Variants in RAP1GDS1 observed in about 807,000 individuals in gnomAD.
RAP1GDS1 encodes Rap1 GTPase-GDP dissociation stimulator 1, also known as RAP1, GTP-GDP dissociation stimulator 1.
RAP1GDS1 carries 35 observed loss-of-function variants against 71.1 expected under a neutral mutation model. The ratio of observed to expected loss-of-function variants is 0.49; its 90% CI spans 0.38 to 0.65. RAP1GDS1 has a LOEUF of 0.65. Among genes scored for constraint, RAP1GDS1 ranks in the 30% least tolerant of loss-of-function variants. The pLI is 0.00. For missense variants in RAP1GDS1, 663 were observed against 706.1 expected (o/e 0.94, Z 0.69); for synonymous variants, 229 against 243.1 (o/e 0.94, Z 0.54).
Position 98,379,065 on chromosome 4 carries a change from T to C in RAP1GDS1, c.410T>C (p.Ile137Thr), listed in dbSNP as rs1355522491. ...CAAGCAGGTGGTGCACAGATTGTAA[T>C]TGACCATTTAAGGTCACTGTGCAGT... ...VDQAGGAQIV[I>T]DHLRSLCSIT... is the part of the protein sequence containing the mutation. The change falls in exon 5 of 15, where the codon ATT becomes ACT. Residue 137 changes from isoleucine to threonine, a missense_variant. Transcript: ENST00000408927. 5 of 1,608,866 alleles carry C rather than the reference T, an allele frequency of 3.1e-6. No homozygotes were observed. Among genetic ancestry groups the C allele is most frequent in the Admixed American group, 1.7e-5 (1 of 59,330 alleles).
chr4:98,364,410 G>T (rs34271573), intron 4 of RAP1GDS1, among the ~76,000 whole-genome samples: 4 of 151,898 alleles, frequency 2.6e-5, no homozygotes, highest in Non-Finnish European at 5.9e-5. Context: ...AGCTAAATTG[G>T]TGATAGTGTT....
intron 2 of RAP1GDS1, among the ~76,000 whole-genome samples, chr4:98,330,905 G>A (rs897501141): frequency 1.3e-5 from 2 of 152,258 alleles, no homozygotes; most frequent in South Asian, 2.1e-4. Flanking sequence ...TGGCAGCTGG[G>A]CAGAGGCTGC....
chr4:98,400,546 A>AAC (rs999079262), intron 6 of RAP1GDS1, among the ~76,000 whole-genome samples: 14 of 151,928 alleles, frequency 9.2e-5, no homozygotes, highest in African/African-American at 2.7e-4. Flanking sequence ...AAAAAAAAAA[A>AAC]ACGGATACTA....
intron 4 of RAP1GDS1, among the ~76,000 whole-genome samples, chr4:98,368,249 G>A (rs1394472034): frequency 6.6e-6 from 1 of 152,108 alleles, no homozygotes; most frequent in African/African-American, 2.4e-5. Flanking sequence ...CTTCTGCCAT[G>A]ATTGTGAGGC....
chr4:98,388,784 T>A (rs1404757665), intron 5 of RAP1GDS1, among the ~76,000 whole-genome samples: 2 of 152,166 alleles, frequency 1.3e-5, no homozygotes, highest in Non-Finnish European at 2.9e-5. Context: ...AATTTTGGTC[T>A]TATGATTTTA....
intron 1 of RAP1GDS1, among the ~76,000 whole-genome samples, chr4:98,267,017 A>G (rs1722792452): frequency 6.6e-6 from 1 of 152,190 alleles, no homozygotes; most frequent in Non-Finnish European, 1.5e-5. Context: ...AAGGAGGAAG[A>G]TTCAGTCCTT....
intron 2 of RAP1GDS1, among the ~76,000 whole-genome samples, chr4:98,332,844 T>C (rs1734190241): frequency 6.6e-6 from 1 of 152,190 alleles, no homozygotes; most frequent in African/African-American, 2.4e-5. Flanking sequence ...GTATCAAAGC[T>C]CAATCTTTAG....
chr4:98,283,436 C>G (rs577791494), intron 1 of RAP1GDS1, among the ~76,000 whole-genome samples: 2 of 152,004 alleles, frequency 1.3e-5, no homozygotes, highest in Non-Finnish European at 2.9e-5. Flanking sequence ...ATGAGCAACA[C>G]AAGACTACCA....
intron 14 of RAP1GDS1, chr4:98,441,651 C>T: frequency 2.1e-6 from 2 of 966,956 alleles, no homozygotes; most frequent in Non-Finnish European, 2.5e-6. Flanking sequence ...ACTGTCATCC[C>T]AGCTACTTGG....
intron 2 of RAP1GDS1, among the ~76,000 whole-genome samples, chr4:98,326,065 G>A (rs947909195): frequency 6.6e-6 from 1 of 152,130 alleles, no homozygotes; most frequent in African/African-American, 2.4e-5. Context: ...TGTCTCATCT[G>A]TTCAGTAACA....
chr4:98,329,579 G>T (rs748950643), intron 2 of RAP1GDS1, among the ~76,000 whole-genome samples: 1 of 152,072 alleles, frequency 6.6e-6, no homozygotes, highest in African/African-American at 2.4e-5. Flanking sequence ...CACGAGGTCA[G>T]AAGTTCGAGA....
intron 13 of RAP1GDS1, among the ~76,000 whole-genome samples, chr4:98,436,139 TTG>T (rs1751109069): frequency 6.6e-6 from 1 of 152,036 alleles, no homozygotes; most frequent in Non-Finnish European, 1.5e-5. Context: ...TTCATTTTCT[TTG>T]TCCCATGGAT....
At chr4:98,299,148 A>G (rs951599114) in intron 2 of RAP1GDS1, among the ~76,000 whole-genome samples, 2 of 152,114 alleles carry the variant, frequency 1.3e-5, no homozygotes, top group African/African-American at 2.4e-5. Context: ...ATGAGTGAGA[A>G]CATGCAGTGT....
chr4:98,281,496 A>T (rs1453363332), intron 1 of RAP1GDS1, among the ~76,000 whole-genome samples: 3 of 152,192 alleles, frequency 2.0e-5, no homozygotes, highest in Non-Finnish European at 4.4e-5. Flanking sequence ...TACCAGCTTA[A>T]GGAGATTTTG....
chr4:98,270,275 A>T (rs753271413), intron 1 of RAP1GDS1, among the ~76,000 whole-genome samples: 1 of 152,204 alleles, frequency 6.6e-6, no homozygotes, highest in Non-Finnish European at 1.5e-5. Context: ...GGACAAAAAC[A>T]TTCAAACCAT....
chr4:98,372,050 T>C (rs1203608331), intron 4 of RAP1GDS1, among the ~76,000 whole-genome samples: 1 of 152,166 alleles, frequency 6.6e-6, no homozygotes, highest in Non-Finnish European at 1.5e-5. Flanking sequence ...GCGGGTTTAT[T>C]TCCGAACCTA....
At chr4:98,316,455 AT>A (rs1039974505) in intron 2 of RAP1GDS1, among the ~76,000 whole-genome samples, 1 of 152,130 alleles carries the variant, frequency 6.6e-6, no homozygotes, top group African/African-American at 2.4e-5. Context: ...AGCAGTGGAA[AT>A]TATTAAAGTC....
intron 2 of RAP1GDS1, among the ~76,000 whole-genome samples, chr4:98,324,094 A>G (rs1329606490): frequency 4.0e-5 from 6 of 150,984 alleles, no homozygotes; most frequent in East Asian, 1.9e-4. Context: ...AAATCAATGT[A>G]CAAAAATCAC....
chr4:98,282,916 G>C (rs1725373522), intron 1 of RAP1GDS1, among the ~76,000 whole-genome samples: 1 of 152,214 alleles, frequency 6.6e-6, no homozygotes, highest in South Asian at 2.1e-4. Context: ...CAGTTTCCAT[G>C]TAGTTGTGTG....
Sources: allele counts gnomAD v4.1 joint callset (sites outside exome capture counted in the v4.1 genomes callset), GRCh38; gene constraint gnomAD v4.1.1; transcripts MANE v1.5; gene names NCBI Gene and HGNC (gene_info 2026-07-23, HGNC 2026-07-21).